GRK5: variants seen among roughly 807,000 people sequenced by gnomAD.
GRK5 encodes G protein-coupled receptor kinase 5, also known as g protein-coupled receptor kinase GRK5.
In GRK5, 40 loss-of-function variants were observed where a neutral mutation model predicts 78.4. The ratio of observed to expected loss-of-function variants is 0.51; its 90% CI spans 0.40 to 0.66. GRK5 has a LOEUF of 0.66. GRK5 is among the 30% of genes least tolerant of loss of function. GRK5 has a pLI of 0.00. For synonymous variants in GRK5, 289 were observed against 296.8 expected, an observed-to-expected ratio of 0.97 and a Z score of 0.27; for missense variants, 598 against 759.9, an observed-to-expected ratio of 0.79 and a Z score of 2.50.
chr10:119,303,898 T>C (rs1022665119), intron 1 of GRK5, among the ~76,000 whole-genome samples: 1 of 152,020 alleles, frequency 6.6e-6, no homozygotes, highest in African/African-American at 2.4e-5. Context: ...CAACTAGGGC[T>C]CCTTTGATCA....
At chr10:119,342,598 C>G (rs997438299) in intron 2 of GRK5, among the ~76,000 whole-genome samples, 1 of 152,160 alleles carries the variant, frequency 6.6e-6, no homozygotes, top group East Asian at 1.9e-4. Flanking sequence ...TCAACCGTCC[C>G]GTGCGGTGCA....
chr10:119,279,232 T>C (rs1328696617), intron 1 of GRK5, among the ~76,000 whole-genome samples: 1 of 152,220 alleles, frequency 6.6e-6, no homozygotes, highest in Non-Finnish European at 1.5e-5. Context: ...CCCAGCCTAA[T>C]GAATGGCCTC....
rs1295683339 is a variant in GRK5, at chr10:119,379,259, G to A, written c.149-1556G>A. On this transcript the variant is annotated intron_variant, in intron 2 of 15. Transcript: ENST00000392870. This position sits in a 1 kb window ranked among gnomAD's most constrained non-coding sequence, Gnocchi z 4.1. ...GTCTGCTTACCGTCCGCAGTTTACA[G>A]ACTAGACAACTGAGGGGCAGTGTCA... 6.6e-6 allele frequency among the ~76,000 whole-genome samples: 1 copy of A among 152,172 alleles called. No individual in the cohort carries two copies. Among genetic ancestry groups the A allele is most frequent in the South Asian group, 2.1e-4 (1 of 4,828 alleles).
At chr10:119,210,729 A>C (rs1172229057) in intron 1 of GRK5, among the ~76,000 whole-genome samples, 1 of 152,252 alleles carries the variant, frequency 6.6e-6, no homozygotes, top group Non-Finnish European at 1.5e-5. Context: ...AATACACCGT[A>C]AGCAATTTAA....
At position 119,271,155 on chromosome 10, in the gene GRK5, C is replaced by T. The variant is rs1221177801; in HGVS notation, c.53-55361C>T. 6.6e-6 allele frequency among the ~76,000 whole-genome samples: 1 copy of T among 152,172 alleles called. No homozygotes were observed. Among genetic ancestry groups the T allele is most frequent in the African/African-American group, 2.4e-5 (1 of 41,440 alleles). On this transcript the variant is annotated intron_variant, in intron 1 of 15. Coordinates refer to ENST00000392870, the MANE Select transcript of GRK5 (RefSeq NM_005308.3). This position sits in a 1 kb window ranked among gnomAD's most constrained non-coding sequence, Gnocchi z 4.1. ...ACCAGGACCTGGGGTGGCGCCGGCG[C>T]CGTTAGGGAGGGAGTGTTCACCGGA...
Position 119,241,305 on chromosome 10 carries a change from G to A in GRK5, c.52+33336G>A, listed in dbSNP as rs536984555. On this transcript the variant is annotated intron_variant, in intron 1 of 15. Transcript: ENST00000392870. ...TGCTCATAGACTGCGGTTTCCTACG[G>A]GCAAAAGGGGAAAGTGACCCTAGAA... Among the ~76,000 whole-genome samples the A allele has an allele frequency of 3.3e-5, 5 of 152,274 alleles. No individual in the cohort carries two copies. The South Asian group carries it at 8.3e-4, about 25-fold the overall frequency.
At chr10:119,319,150 A>G (rs903668300) in intron 1 of GRK5, among the ~76,000 whole-genome samples, 2 of 151,956 alleles carry the variant, frequency 1.3e-5, no homozygotes, top group Non-Finnish European at 2.9e-5. Context: ...CTTCCCCTTA[A>G]CATACTTCCC....
chr10:119,406,390 A>C, intron 4 of GRK5: 2 of 895,616 alleles, frequency 2.2e-6, no homozygotes, highest in Non-Finnish European at 2.7e-6. Flanking sequence ...GGTCCTGCTT[A>C]GAGTCTGCCT....
chr10:119,317,654 T>G (rs1850515082), intron 1 of GRK5, among the ~76,000 whole-genome samples: 1 of 152,110 alleles, frequency 6.6e-6, no homozygotes, highest in Admixed American at 6.5e-5. Flanking sequence ...AATGCCTGAC[T>G]CAAGTCAGGC....
chr10:119,456,757 A>G lies in GRK5; in HGVS notation c.*1690A>G, dbSNP rs1208434829. ...GGCTTTGGGGGTGATCATCCCAAAC[A>G]CATTTCTCTGGATGACGCAGGCAGC... is the stretch of plus-strand genomic sequence containing the variant. On this transcript the variant is annotated 3_prime_UTR_variant, in exon 16 of 16. Transcript: ENST00000392870. This position sits in a 1 kb window ranked among gnomAD's most constrained non-coding sequence, Gnocchi z 5.5. 6.6e-6 allele frequency: 1 copy of G among 152,042 alleles called. No individual in the cohort carries two copies. Among genetic ancestry groups the G allele is most frequent in the Non-Finnish European group, 1.5e-5 (1 of 68,026 alleles). 9.4% of individuals were successfully genotyped at this position (152,042 alleles called of 1,614,324 possible).
intron 2 of GRK5, chr10:119,330,086 C>T (rs1466699217): frequency 6.6e-6 from 1 of 152,068 alleles, no homozygotes; most frequent in African/African-American, 2.4e-5. Context: ...TGGTTTCAAA[C>T]TCCTGGCCTC....
At chr10:119,317,181 G>C (rs1850500868) in intron 1 of GRK5, among the ~76,000 whole-genome samples, 1 of 152,204 alleles carries the variant, frequency 6.6e-6, no homozygotes, top group Non-Finnish European at 1.5e-5. Context: ...CCAGAGGAGT[G>C]TGGCCCATGG....
In GRK5 at chr10:119,241,254, G is replaced by A. The variant is rs187850601; in HGVS notation, c.52+33285G>A. On this transcript the variant is annotated intron_variant, in intron 1 of 15. Coordinates refer to ENST00000392870, the MANE Select transcript of GRK5 (RefSeq NM_005308.3). Reference sequence around the variant, plus strand: ...TCAAATGGAGAAGAGCAAAGGCCACGTGAGGGGTTGGCTCTGTGGTCCCTG... The same window carrying A: ...TCAAATGGAGAAGAGCAAAGGCCACATGAGGGGTTGGCTCTGTGGTCCCTG... Among the ~76,000 whole-genome samples the A allele has an allele frequency of 5.8e-4, 89 of 152,266 alleles. 4 individuals are homozygous for A. Among genetic ancestry groups the A allele is most frequent in the Admixed American group, 5.8e-3 (88 of 15,298 alleles).
rs1459132087 is a variant in GRK5, at chr10:119,458,566, G to A, written c.*3499G>A. 8 of 152,418 alleles carry A rather than the reference G, an allele frequency of 5.2e-5. No individual in the cohort carries two copies. In the East Asian group the frequency reaches 1.5e-3, roughly 29 times the overall value. The allele number at this position is 152,418 out of a possible 1,614,324, so 9.4% of individuals were successfully genotyped here. A position where few individuals can be genotyped will look rare whatever the true frequency, so the allele number is the denominator to read the frequency against. On this transcript the variant is annotated 3_prime_UTR_variant, in exon 16 of 16. Coordinates refer to ENST00000392870, the MANE Select transcript of GRK5 (RefSeq NM_005308.3). ...CCACAGACACAGCTGTGAGGCCTGG[G>A]TCATACACATACCAGCAAGCAGCTG... is the stretch of plus-strand genomic sequence containing the variant.
intron 1 of GRK5, among the ~76,000 whole-genome samples, chr10:119,235,880 T>C (rs1848916369): frequency 6.6e-6 from 1 of 152,118 alleles, no homozygotes; most frequent in Non-Finnish European, 1.5e-5. Context: ...CCCCAGGAGA[T>C]TCCTGAGGGG....
At chr10:119,349,295 C>T (rs945977100) in intron 2 of GRK5, among the ~76,000 whole-genome samples, 5 of 152,156 alleles carry the variant, frequency 3.3e-5, no homozygotes, top group South Asian at 2.1e-4. Context: ...GGAGGACAGC[C>T]GCTGAAGGCA....
chr10:119,431,473 G>GT lies in GRK5; in HGVS notation c.685dup (p.Ser229PhefsTer6). 1 of 1,614,050 alleles carries GT rather than the reference G, an allele frequency of 6.2e-7. No homozygotes were observed. Among genetic ancestry groups the GT allele is most frequent in the Non-Finnish European group, 8.5e-7 (1 of 1,179,926 alleles). On this transcript the variant is annotated frameshift_variant, in exon 8 of 16. Coordinates refer to ENST00000392870, the MANE Select transcript of GRK5 (RefSeq NM_005308.3). LOFTEE classifies it high-confidence loss of function. This position sits in a 1 kb window ranked among gnomAD's most constrained non-coding sequence, Gnocchi z 4.8. ...AGAGGATCAAAAAGAGGAAAGGGGAGTCCATGGCCCTCAATGAGAAGCAGA... is the reference window on the plus strand; with the variant it reads ...AGAGGATCAAAAAGAGGAAAGGGGAGTTCCATGGCCCTCAATGAGAAGCAGA...
intron 1 of GRK5, among the ~76,000 whole-genome samples, chr10:119,214,656 A>C (rs1848542123): frequency 6.6e-6 from 1 of 152,162 alleles, no homozygotes; most frequent in African/African-American, 2.4e-5. Context: ...AGTAGCTGGG[A>C]CTATAGGCTC....
intron 12 of GRK5, among the ~76,000 whole-genome samples, chr10:119,447,774 G>A (rs1382235701): frequency 6.6e-6 from 1 of 152,312 alleles, no homozygotes; most frequent in Non-Finnish European, 1.5e-5. Flanking sequence ...GTATGTGCAC[G>A]AGACAGAGCT....
Sources: gnomAD v4.1 joint callset for allele counts (sites outside exome capture counted in the v4.1 genomes callset) on GRCh38, gnomAD v4.1.1 for gene constraint, Gnocchi (gnomAD v3.1) non-coding constraint, MANE v1.5 for transcripts, NCBI Gene and HGNC (gene_info 2026-07-23, HGNC 2026-07-21) for gene names.